Variants in IRAG2 observed in about 807,000 individuals in gnomAD.
IRAG2 encodes the protein inositol 1,4,5-triphosphate receptor associated 2.
IRAG2 carries 45 observed loss-of-function variants against 69.9 expected under a neutral mutation model. The ratio of observed to expected loss-of-function variants is 0.64; its 90% CI spans 0.51 to 0.83. The LOEUF is 0.83. Among genes scored for constraint, IRAG2 ranks in the 40% least tolerant of loss-of-function variants. The probability of loss-of-function intolerance (pLI) is 0.00; values close to 1 mark genes in which losing one functional copy is unlikely to be tolerated. For missense variants in IRAG2, 520 were observed against 587.0 expected, an observed-to-expected ratio of 0.89 and a Z score of 1.18; for synonymous variants, 193 against 202.4, an observed-to-expected ratio of 0.95 and a Z score of 0.40.
intron 5 of IRAG2, among the ~76,000 whole-genome samples, chr12:25,068,321 T>C (rs1946118261): frequency 6.6e-6 from 1 of 152,106 alleles, no homozygotes; most frequent in Admixed American, 6.5e-5. Flanking sequence ...AAGAGATACA[T>C]CGGAAAGGTT....
intron 2 of IRAG2, among the ~76,000 whole-genome samples, chr12:25,006,765 C>T (rs1178726827): frequency 1.3e-5 from 2 of 152,114 alleles, no homozygotes; most frequent in Non-Finnish European, 2.9e-5. Context: ...ACATATTATG[C>T]TCAGTACGTG....
At chr12:25,100,822 A>AAT (rs1948711825) in intron 15 of IRAG2, 1 of 110,022 alleles carries the variant, frequency 9.1e-6, no homozygotes, top group African/African-American at 2.9e-5. Context: ...CTCTGGACCT[A>AAT]ATCTTTTTTT....
intron 1 of IRAG2, among the ~76,000 whole-genome samples, chr12:25,054,441 C>T (rs961543402): frequency 6.6e-6 from 1 of 152,078 alleles, no homozygotes; most frequent in Non-Finnish European, 1.5e-5. Context: ...AATTTGTTCC[C>T]CTTCCTCACT....
upstream of IRAG2, among the ~76,000 whole-genome samples, chr12:25,050,945 G>A (rs1180763082): frequency 1.3e-5 from 2 of 152,192 alleles, no homozygotes; most frequent in African/African-American, 4.8e-5. Flanking sequence ...TAGAAAGAGA[G>A]AGAATAGTGG....
chr12:25,042,198 T>G (rs564400955), intron 16 of IRAG2, among the ~76,000 whole-genome samples: 4 of 152,216 alleles, frequency 2.6e-5, no homozygotes, highest in African/African-American at 9.6e-5. Context: ...AAGTTATATG[T>G]GTGGAGAAAG....
chr12:25,038,414 G>A (rs1329225559), intron 16 of IRAG2, among the ~76,000 whole-genome samples: 1 of 152,100 alleles, frequency 6.6e-6, no homozygotes, highest in African/African-American at 2.4e-5. Context: ...AGGCTAAGGT[G>A]GGCGAATCAC....
intron 4 of IRAG2, 108 bp from the exon 5 acceptor site, chr12:25,066,257 G>A (rs1464979849): frequency 4.3e-5 from 17 of 394,968 alleles, no homozygotes; most frequent in Non-Finnish European, 7.1e-5. Flanking sequence ...GAATAGAAGC[G>A]GGTTAACTTT....
At chr12:25,086,135 C>T (rs1323084875) in intron 10 of IRAG2, among the ~76,000 whole-genome samples, 1 of 152,016 alleles carries the variant, frequency 6.6e-6, no homozygotes, top group Non-Finnish European at 1.5e-5. Flanking sequence ...ATCAATTTGC[C>T]ATTGGAAGTT....
rs1313040568 is a variant in IRAG2 at position 25,079,256 on chromosome 12, G to C, written c.37G>C (p.Glu13Gln). Residue 13 changes from glutamate to glutamine, a missense_variant, in exon 7 of 22, where the codon GAA becomes CAA. By Grantham distance (29) the Glu-to-Gln change is conservative. Coordinates refer to ENST00000556887, the MANE Select transcript of IRAG2 (RefSeq NM_001366544.2). ...CTTTTTCCTTAAGGAGAATGGTGTT[G>C]AACGCGTGTGTCCTGAGAGCCTGCT... is the stretch of plus-strand genomic sequence containing the variant. ...DDPSMEENGV[E>Q]RVCPESLLQS... 1.2e-6 allele frequency: 2 copies of C among 1,613,980 alleles called. No homozygotes were observed. Among genetic ancestry groups the C allele is most frequent in the African/African-American group, 1.3e-5 (1 of 74,908 alleles).
At position 25,011,471 on chromosome 12, in the gene IRAG2, TGAGAA is replaced by T; in HGVS notation, c.821_825del (p.Lys274ArgfsTer30). 4 of 1,231,698 alleles carry T rather than the reference TGAGAA, an allele frequency of 3.2e-6. No individual in the cohort carries two copies. The highest frequency in any genetic ancestry group is 4.0e-6 in the Non-Finnish European group (4 of 987,950). 76.3% of individuals were successfully genotyped at this position (1,231,698 alleles called of 1,614,324 possible). On this transcript the variant is annotated frameshift_variant, in exon 3 of 39. Coordinates refer to the IRAG2 transcript ENST00000636465. LOFTEE classifies it high-confidence loss of function. ...AGCAGTTGTGGAACATGCTTGATCC[TGAGAA>T]GAGAGACCCACATGTGGACCTGGAA...
intron 4 of IRAG2, chr12:25,015,324 T>C (rs989586949): frequency 3.2e-6 from 4 of 1,231,602 alleles, no homozygotes; most frequent in South Asian, 8.2e-5. Context: ...TGATTTTTTT[T>C]CATAAAACTC....
At chr12:25,032,247 T>A in intron 11 of IRAG2, 1 of 399,054 alleles carries the variant, frequency 2.5e-6, no homozygotes, top group Non-Finnish European at 4.4e-6. Context: ...GTGGGCTTGT[T>A]AAATGTAAAT....
chr12:25,104,802 A>G (rs990748135), intron 20 of IRAG2, among the ~76,000 whole-genome samples: 6 of 152,140 alleles, frequency 3.9e-5, no homozygotes, highest in East Asian at 1.9e-4. Flanking sequence ...ATCTATTTAT[A>G]TATTTTTAAA....
In IRAG2 at chr12:25,090,137, C is replaced by T. The variant is rs555465090; in HGVS notation, c.546C>T (p.Ser182=). 3.1e-5 allele frequency: 50 copies of T among 1,613,724 alleles called. 1 individual carries two copies. In the South Asian group the frequency reaches 4.9e-4, roughly 16 times the overall value. The change falls in exon 14 of 22, where the codon TCC becomes TCT. Residue 182 remains serine (S), a synonymous_variant. Transcript: ENST00000556887. ...LEKRVKLEER[S]RDLAEENLKK... is the part of the protein sequence containing the mutation. ...AGAGAGTGAAGCTTGAAGAGAGGTC[C>T]CGTGACTTGGCAGAAGAAAATTTGA...
intron 15 of IRAG2, among the ~76,000 whole-genome samples, chr12:25,098,349 G>A (rs1352835516): frequency 6.6e-6 from 1 of 152,066 alleles, no homozygotes; most frequent in Non-Finnish European, 1.5e-5. Context: ...CCACTGTCAT[G>A]TCTTTCCCCA....
chr12:25,099,247 T>C (rs929710145), intron 15 of IRAG2, among the ~76,000 whole-genome samples: 1 of 152,122 alleles, frequency 6.6e-6, no homozygotes, highest in African/African-American at 2.4e-5. Flanking sequence ...AAACCTACCA[T>C]TCAAAACTGA....
At chr12:25,072,203 T>C (rs2140043044) in intron 6 of IRAG2, among the ~76,000 whole-genome samples, 2 of 149,922 alleles carry the variant, frequency 1.3e-5, no homozygotes, top group Admixed American at 1.3e-4. Flanking sequence ...AAACTCCATC[T>C]CAAAAGAAAA....
upstream of IRAG2, among the ~76,000 whole-genome samples, chr12:25,000,981 A>G (rs1279003577): frequency 6.6e-6 from 1 of 152,236 alleles, no homozygotes; most frequent in African/African-American, 2.4e-5. Context: ...TAGACAGAAG[A>G]GACAGGAGAT....
chr12:25,076,680 T>C (rs1946709116), intron 6 of IRAG2: 2 of 890,488 alleles, frequency 2.2e-6, no homozygotes, highest in Non-Finnish European at 2.7e-6. Context: ...TGTAGTGTTT[T>C]TTAGTTATAG....
Sources: allele counts gnomAD v4.1 joint callset (sites outside exome capture counted in the v4.1 genomes callset), GRCh38; gene constraint gnomAD v4.1.1; transcripts MANE v1.5; gene names NCBI Gene and HGNC (gene_info 2026-07-23, HGNC 2026-07-21).